Variants in XKR8 observed in about 807,000 individuals in gnomAD.
The protein encoded by XKR8 is XK-related protein 8.
A neutral mutation model predicts 17.1 loss-of-function variants in XKR8; 10 were observed. The ratio of observed to expected loss-of-function variants is 0.59; its 90% CI spans 0.36 to 0.99. The LOEUF (loss-of-function observed/expected upper bound fraction) is 0.99, where lower values mean the gene tolerates loss of function less well. Among genes scored for constraint, XKR8 ranks in the 50% least tolerant of loss-of-function variants. The pLI, the probability that XKR8 is intolerant of heterozygous loss-of-function variation, is 0.01. For missense variants in XKR8, 411 were observed against 515.6 expected (o/e 0.80, Z 1.96); for synonymous variants, 213 against 251.9 (o/e 0.85, Z 1.46).
In XKR8 at chr1:27,965,253, C is replaced by G. The variant is rs1638546331; in HGVS notation, c.491-1250C>G. ...GTCTAGAACCAGGGCCAAGTGCAGA[C>G]AGTCTGCACTGTGAGTGTGGCAGGG... On this transcript the variant is annotated intron_variant, in intron 2 of 2. Coordinates refer to ENST00000373884, the MANE Select transcript of XKR8 (RefSeq NM_018053.4). The surrounding 1 kb of genome is among the most constrained non-coding windows in gnomAD (Gnocchi z 4.1). Among the ~76,000 whole-genome samples the G allele has an allele frequency of 6.6e-6, 1 of 152,124 alleles. No individual in the cohort carries two copies. Among genetic ancestry groups the G allele is most frequent in the Non-Finnish European group, 1.5e-5 (1 of 68,020 alleles).
intron 1 of XKR8, among the ~76,000 whole-genome samples, chr1:27,962,552 G>A (rs570989398): frequency 6.6e-5 from 10 of 151,532 alleles, no homozygotes; most frequent in African/African-American, 2.2e-4. Flanking sequence ...TAGCCTGGGC[G>A]ACAAGCGACA....
At position 27,966,467 on chromosome 1, in the gene XKR8, G is replaced by A. The variant is rs1638570630; in HGVS notation, c.491-36G>A. ...CCGCTGGGGAGTGCCAAGCAGGCTG[G>A]CCCCAGGACTCACTGTTCCCTCCTA... On this transcript the variant is annotated intron_variant, in intron 2 of 2. Transcript: ENST00000373884. The surrounding 1 kb of genome is among the most constrained non-coding windows in gnomAD (Gnocchi z 4.3). The A allele has an allele frequency of 6.4e-7, 1 of 1,570,728 alleles. No homozygotes were observed. Among genetic ancestry groups the A allele is most frequent in the South Asian group, 1.2e-5 (1 of 84,558 alleles).
rs111363022 is a variant in XKR8 at position 27,966,424 on chromosome 1, C to T, written c.491-79C>T. On this transcript the variant is annotated intron_variant, in intron 2 of 2. Coordinates refer to ENST00000373884, the MANE Select transcript of XKR8 (RefSeq NM_018053.4). The surrounding 1 kb of genome is among the most constrained non-coding windows in gnomAD (Gnocchi z 4.3). ...ACCTACCCCAGGGTTGCTGGGAGGG[C>T]CCCCACGGTACCTGTGACCGCTGGG... is the stretch of plus-strand genomic sequence containing the variant. 9.7e-4 allele frequency: 1,369 copies of T among 1,409,922 alleles called. 14 individuals carry two copies. The African/African-American group carries it at 0.017, about 18-fold the overall frequency. The allele number at this position is 1,409,922 out of a possible 1,614,324, so 87.3% of individuals were successfully genotyped here. A position where few individuals can be genotyped will look rare whatever the true frequency, so the allele number is the denominator to read the frequency against.
Position 27,966,709 on chromosome 1 carries a change from T to C in XKR8, c.697T>C (p.Phe233Leu). The C allele has an allele frequency of 6.2e-7, 1 of 1,614,060 alleles. No individual in the cohort carries two copies. Among genetic ancestry groups the C allele is most frequent in the Non-Finnish European group, 8.5e-7 (1 of 1,180,008 alleles). The change falls in exon 3 of 3, where the codon TTC becomes CTC. Residue 233 changes from phenylalanine to leucine, a missense_variant. Coordinates refer to ENST00000373884, the MANE Select transcript of XKR8 (RefSeq NM_018053.4). The surrounding 1 kb of genome is among the most constrained non-coding windows in gnomAD (Gnocchi z 4.3). The part of the protein sequence containing the change: ...ALFPSYVALH[F>L]LGLWLVLLLW... ...CTTCCCCAGCTATGTGGCCCTGCAC[T>C]TCCTGGGCCTGTGGCTGGTACTGCT...
intron 1 of XKR8, among the ~76,000 whole-genome samples, chr1:27,963,008 G>GTATT (rs1385044585): frequency 5.3e-5 from 8 of 152,246 alleles, no homozygotes; most frequent in African/African-American, 1.9e-4. Context: ...AGTAGAAGGT[G>GTATT]TATTGATCCC....
Position 27,963,461 on chromosome 1 carries a change from A to G in XKR8, c.294-36A>G, listed in dbSNP as rs375919207. 133 of 1,575,808 alleles carry G rather than the reference A, an allele frequency of 8.4e-5. No homozygotes were observed. The Middle Eastern group carries it at 1.8e-3, about 21-fold the overall frequency. On this transcript the variant is annotated intron_variant, in intron 1 of 2. Coordinates refer to ENST00000373884, the MANE Select transcript of XKR8 (RefSeq NM_018053.4). ...GAGGCTGAGGAATTCACAGGACACT[A>G]ACCTGGCCCTCTGGGCATTTGTGTG...
At chr1:27,963,404 T>C in intron 1 of XKR8, 93 bp from the exon 2 acceptor site, 1 of 1,433,828 alleles carries the variant, frequency 7.0e-7, no homozygotes, top group Non-Finnish European at 9.4e-7. Flanking sequence ...AGGAGACAGG[T>C]TGGAGCCTGT....
intron 2 of XKR8, among the ~76,000 whole-genome samples, chr1:27,964,737 G>C (rs1277656252): frequency 6.6e-6 from 1 of 152,084 alleles, no homozygotes; most frequent in Non-Finnish European, 1.5e-5. Context: ...GCTTTGGGAG[G>C]GTTTTTGCAT....
At position 27,960,483 on chromosome 1, in the gene XKR8, G is replaced by A; in HGVS notation, c.293+121G>A. ...GGACTGGGAGAGGGAACCAAGTCCT[G>A]TGGGCGCCTGGCCTACAGGTGAGCG... On this transcript the variant is annotated intron_variant, in intron 1 of 2. Coordinates refer to ENST00000373884, the MANE Select transcript of XKR8 (RefSeq NM_018053.4). The surrounding 1 kb of genome is among the most constrained non-coding windows in gnomAD (Gnocchi z 5.9). 9.6e-7 allele frequency: 1 copy of A among 1,046,906 alleles called. No homozygotes were observed. The highest frequency in any genetic ancestry group is 1.3e-6 in the Non-Finnish European group (1 of 791,886). The allele number at this position is 1,046,906 out of a possible 1,614,324, so 64.9% of individuals were successfully genotyped here. A position where few individuals can be genotyped will look rare whatever the true frequency, so the allele number is the denominator to read the frequency against.
chr1:27,966,487 C>A lies in XKR8; in HGVS notation c.491-16C>A, dbSNP rs1397160349. Reference sequence around the variant, plus strand: ...GGCTGGCCCCAGGACTCACTGTTCCCTCCTACTCTTTGCAGGGGTTGGCAT... The same window carrying A: ...GGCTGGCCCCAGGACTCACTGTTCCATCCTACTCTTTGCAGGGGTTGGCAT... On this transcript the variant is annotated splice_polypyrimidine_tract_variant and intron_variant, in intron 2 of 2. Coordinates refer to ENST00000373884, the MANE Select transcript of XKR8 (RefSeq NM_018053.4). This position sits in a 1 kb window ranked among gnomAD's most constrained non-coding sequence, Gnocchi z 4.3. 1 of 1,601,736 alleles carries A rather than the reference C, an allele frequency of 6.2e-7. No homozygotes were observed. Among genetic ancestry groups the A allele is most frequent in the African/African-American group, 1.3e-5 (1 of 74,806 alleles).
rs1409237588 is a variant in XKR8, at chr1:27,965,820, G to T, written c.491-683G>T. On this transcript the variant is annotated intron_variant, in intron 2 of 2. Coordinates refer to ENST00000373884, the MANE Select transcript of XKR8 (RefSeq NM_018053.4). This position sits in a 1 kb window ranked among gnomAD's most constrained non-coding sequence, Gnocchi z 4.1. Reference sequence around the variant, plus strand: ...GAGGAAGCAGTCGGGAGACGTGCCGGTGCCACTTCCATCCCTCCCTGGAGG... The same window carrying T: ...GAGGAAGCAGTCGGGAGACGTGCCGTTGCCACTTCCATCCCTCCCTGGAGG... Among the ~76,000 whole-genome samples, 7 of 152,142 alleles carry T rather than the reference G, an allele frequency of 4.6e-5. No homozygotes were observed. Among genetic ancestry groups the T allele is most frequent in the African/African-American group, 1.7e-4 (7 of 41,440 alleles).
rs1339277069 is a variant in XKR8 at position 27,960,312 on chromosome 1, G to A, written c.243G>A (p.Pro81=). The change falls in exon 1 of 3, where the codon CCG becomes CCA. Residue 81 remains proline, a synonymous_variant. Transcript: ENST00000373884. This position sits in a 1 kb window ranked among gnomAD's most constrained non-coding sequence, Gnocchi z 5.9. ...DPAGLHGSQP[P]RRCLALLHLL... is the part of the protein sequence containing the mutation. ...CCGGCCTGCACGGGTCGCAGCCCCC[G>A]CGCCGCTGCCTGGCGCTGCTGCATC... 7.0e-7 allele frequency: 1 copy of A among 1,435,368 alleles called. No homozygotes were observed. The highest frequency in any genetic ancestry group is 1.4e-5 in the South Asian group (1 of 69,456). 88.9% of individuals were successfully genotyped at this position (1,435,368 alleles called of 1,614,324 possible).
intron 1 of XKR8, among the ~76,000 whole-genome samples, chr1:27,962,462 A>G (rs1376087868): frequency 6.6e-6 from 1 of 151,942 alleles, no homozygotes; most frequent in African/African-American, 2.4e-5. Flanking sequence ...CATCCCAGCT[A>G]CTCTGGAGGC....
At position 27,967,194 on chromosome 1, in the gene XKR8, G is replaced by C. The variant is rs1267342339; in HGVS notation, c.1182G>C (p.Lys394Asn). The C allele has an allele frequency of 1.4e-5, 21 of 1,548,198 alleles. No homozygotes were observed. Among genetic ancestry groups the C allele is most frequent in the Non-Finnish European group, 1.8e-5 (21 of 1,145,582 alleles). ...KAKDEAASPV[K>N]G ...AGGATGAGGCTGCTTCGCCAGTGAA[G>C]GGATAGGTGAACGGCGTCCTTTGAA... The change falls in exon 3 of 3, where the codon AAG becomes AAC. Residue 394 changes from lysine (K) to asparagine (N), a missense_variant. Coordinates refer to ENST00000373884, the MANE Select transcript of XKR8 (RefSeq NM_018053.4). This position sits in a 1 kb window ranked among gnomAD's most constrained non-coding sequence, Gnocchi z 4.3.
In XKR8 at chr1:27,966,650, C is replaced by A. The variant is rs750130250; in HGVS notation, c.638C>A (p.Pro213His). ...CTGTGGAACCTGCTGCTGCTGTGGC[C>A]CCGAGTCCTGGCTGTGGCCCTGTTC... is the stretch of plus-strand genomic sequence containing the variant. Reference protein sequence around the residue: ...YFLWNLLLLWPRVLAVALFSA... With the variant: ...YFLWNLLLLWHRVLAVALFSA... Residue 213 changes from proline to histidine, a missense_variant, in exon 3 of 3, where the codon CCC (proline) becomes CAC (histidine). Coordinates refer to ENST00000373884, the MANE Select transcript of XKR8 (RefSeq NM_018053.4). This position sits in a 1 kb window ranked among gnomAD's most constrained non-coding sequence, Gnocchi z 4.3. The A allele has an allele frequency of 6.2e-7, 1 of 1,614,106 alleles. No individual in the cohort carries two copies.
rs1274392903 is a variant in XKR8 at position 27,965,955 on chromosome 1, G to C, written c.491-548G>C. 6.6e-6 allele frequency among the ~76,000 whole-genome samples: 1 copy of C among 152,090 alleles called. No homozygotes were observed. The highest frequency in any genetic ancestry group is 2.4e-5 in the African/African-American group (1 of 41,420). On this transcript the variant is annotated intron_variant, in intron 2 of 2. Transcript: ENST00000373884. This position sits in a 1 kb window ranked among gnomAD's most constrained non-coding sequence, Gnocchi z 4.1. The stretch of plus-strand genomic sequence containing the variant: ...TTAGGGGTCAGTCCGATGGCCTCTG[G>C]TCTTGGAGGGGAGGGGAGGGGAGTG...
rs1179322373 is a variant in XKR8, at chr1:27,967,809, G to A, written c.*609G>A. The A allele has an allele frequency of 1.3e-5, 2 of 152,704 alleles. No homozygotes were observed. The highest frequency in any genetic ancestry group is 2.9e-5 in the Non-Finnish European group (2 of 68,112). The allele number at this position is 152,704 out of a possible 1,614,324, so 9.5% of individuals were successfully genotyped here. A position where few individuals can be genotyped will look rare whatever the true frequency, so the allele number is the denominator to read the frequency against. The stretch of plus-strand genomic sequence containing the variant: ...TTAGATCCCAAATGCTAGAAGCCAG[G>A]GATGCCCAACTCTGGGTGGCCCCAG... On this transcript the variant is annotated 3_prime_UTR_variant, in exon 3 of 3. Coordinates refer to ENST00000373884, the MANE Select transcript of XKR8 (RefSeq NM_018053.4). This position sits in a 1 kb window ranked among gnomAD's most constrained non-coding sequence, Gnocchi z 4.3.
chr1:27,963,020 ATTTTTGCT>A (rs1358242925), intron 1 of XKR8, among the ~76,000 whole-genome samples: 3 of 151,786 alleles, frequency 2.0e-5, no homozygotes, highest in Non-Finnish European at 4.4e-5. Flanking sequence ...ATTGATCCCC[ATTTTTGCT>A]TTTTTGTTTT....
rs769048714 is a variant in XKR8 at position 27,966,519 on chromosome 1, A to G, written c.507A>G (p.Thr169=). Residue 169 remains threonine, a synonymous_variant, in exon 3 of 3, where the codon ACA becomes ACG. Transcript: ENST00000373884. This position sits in a 1 kb window ranked among gnomAD's most constrained non-coding sequence, Gnocchi z 4.3. ...AEYYQWVGIC[T]SFLGISWALL... ...TCTTTGCAGGGGTTGGCATCTGCAC[A>G]TCCTTCCTGGGCATCTCGTGGGCAC... 54 of 1,612,558 alleles carry G rather than the reference A, an allele frequency of 3.3e-5. No homozygotes were observed. The highest frequency in any genetic ancestry group is 4.5e-5 in the Non-Finnish European group (53 of 1,179,282).
Sources: gnomAD v4.1 joint callset for allele counts (sites outside exome capture counted in the v4.1 genomes callset) on GRCh38, gnomAD v4.1.1 for gene constraint, Gnocchi (gnomAD v3.1) non-coding constraint, MANE v1.5 for transcripts, NCBI Gene and HGNC (gene_info 2026-07-23, HGNC 2026-07-21) for gene names.